The following MANSC4 variants were observed in gnomAD, a reference collection of about 807,000 sequenced individuals.
MANSC4 encodes MANSC domain containing 4.
In MANSC4, 11 loss-of-function variants were observed where a neutral mutation model predicts 11.4. The observed-to-expected ratio is 0.97, with a 90% CI of 0.61 to 1.60. The LOEUF (loss-of-function observed/expected upper bound fraction) is 1.60, where lower values mean the gene tolerates loss of function less well. Among genes scored for constraint, MANSC4 ranks in the 40% most tolerant of loss-of-function variants. The pLI is 0.00. For missense variants in MANSC4, 354 were observed against 404.6 expected (o/e 0.88, Z 1.07); for synonymous variants, 123 against 147.1 (o/e 0.84, Z 1.19).
At chr12:27,764,500 C>A (rs2062063132) in intron 3 of MANSC4, among the ~76,000 whole-genome samples, 1 of 152,132 alleles carries the variant, frequency 6.6e-6, no homozygotes, top group Non-Finnish European at 1.5e-5. Context: ...TTTTTACTTT[C>A]TTTTGCTGGT....
In MANSC4 at chr12:27,771,308, G is replaced by A. The variant is rs1355012521; in HGVS notation, c.-32C>T. ...TGTATGAAGGAAGACTCGAAGATAAGTCTGATTTCCAGACAGAAGCTGAAC... is the reference window on the plus strand; with the variant it reads ...TGTATGAAGGAAGACTCGAAGATAAATCTGATTTCCAGACAGAAGCTGAAC... On this transcript the variant is annotated 5_prime_UTR_variant, in exon 2 of 4. Transcript: ENST00000381273. 6.5e-7 allele frequency: 1 copy of A among 1,530,308 alleles called. No individual in the cohort carries two copies. The highest frequency in any genetic ancestry group is 2.0e-5 in the Admixed American group (1 of 50,408). 94.8% of individuals were successfully genotyped at this position (1,530,308 alleles called of 1,614,324 possible). A position where few individuals can be genotyped will look rare whatever the true frequency, so the allele number is the denominator to read the frequency against.
intron 3 of MANSC4, among the ~76,000 whole-genome samples, chr12:27,765,904 C>T (rs1393566090): frequency 6.6e-6 from 1 of 152,144 alleles, no homozygotes; most frequent in Admixed American, 6.6e-5. Flanking sequence ...ATAAAATACA[C>T]TGGTTATCTT....
chr12:27,762,674 G>T lies in MANSC4; in HGVS notation c.*64C>A. 1.5e-6 allele frequency: 2 copies of T among 1,364,652 alleles called. No homozygotes were observed. The highest frequency in any genetic ancestry group is 9.7e-7 in the Non-Finnish European group (1 of 1,031,944). The allele number at this position is 1,364,652 out of a possible 1,614,324, so 84.5% of individuals were successfully genotyped here. A position where few individuals can be genotyped will look rare whatever the true frequency, so the allele number is the denominator to read the frequency against. The stretch of plus-strand genomic sequence containing the variant: ...CCTATTTTTTTTTTTTAACCAAACT[G>T]CGTTTTCTTACACAAAACTAAAAAT... On this transcript the variant is annotated 3_prime_UTR_variant, in exon 4 of 4. Transcript: ENST00000381273.
In MANSC4 at chr12:27,773,604, C is replaced by T. The variant is rs915888215; in HGVS notation, c.-306-2022G>A. ...AATGTGATTTGTACTTTAAAAGTCA[C>T]GACAGCCTGATTCAGTAGCTGTTGA... On this transcript the variant is annotated intron_variant, in intron 1 of 3. Transcript: ENST00000381273. Among the ~76,000 whole-genome samples the T allele has an allele frequency of 3.9e-5, 6 of 152,316 alleles. No homozygotes were observed. In the East Asian group the frequency reaches 7.7e-4, roughly 20 times the overall value.
chr12:27,778,694 C>T (rs1027302156), intron 1 of MANSC4, among the ~76,000 whole-genome samples: 2 of 152,162 alleles, frequency 1.3e-5, no homozygotes, highest in African/African-American at 4.8e-5. Flanking sequence ...AGTGAACACA[C>T]CCTCTGCTTC....
At chr12:27,769,840 G>A (rs1330702530) in intron 2 of MANSC4, among the ~76,000 whole-genome samples, 1 of 152,162 alleles carries the variant, frequency 6.6e-6, no homozygotes, top group Non-Finnish European at 1.5e-5. Context: ...GTGCTGTGTT[G>A]CTTTTGCTGT....
At chr12:27,775,007 G>T (rs148614534) in intron 1 of MANSC4, among the ~76,000 whole-genome samples, 1 of 150,342 alleles carries the variant, frequency 6.7e-6, no homozygotes, top group African/African-American at 2.4e-5. Context: ...CTGGGCGACA[G>T]AGCGAGATTC....
chr12:27,771,471 A>G lies in MANSC4; in HGVS notation c.-195T>C, dbSNP rs1228434176. On this transcript the variant is annotated 5_prime_UTR_variant, in exon 2 of 4. Transcript: ENST00000381273. ...GATTTTTCTTTTCTTCCCGAGCTCC[A>G]GGTGAACATTTGATTTGCTGGCATT... Among the ~76,000 whole-genome samples the G allele has an allele frequency of 6.6e-6, 1 of 152,208 alleles. No individual in the cohort carries two copies. Among genetic ancestry groups the G allele is most frequent in the African/African-American group, 2.4e-5 (1 of 41,460 alleles).
At chr12:27,777,864 T>C (rs1305568537) in intron 1 of MANSC4, among the ~76,000 whole-genome samples, 1 of 152,046 alleles carries the variant, frequency 6.6e-6, no homozygotes, top group Non-Finnish European at 1.5e-5. Context: ...GCAGGATCCC[T>C]TGGGGCCAGG....
chr12:27,764,597 C>A (rs1357381191), intron 3 of MANSC4, among the ~76,000 whole-genome samples: 1 of 152,150 alleles, frequency 6.6e-6, no homozygotes, highest in African/African-American at 2.4e-5. Flanking sequence ...TGCCCCCTCC[C>A]CTCCAACACA....
chr12:27,770,974 T>TAA (rs751876140), intron 2 of MANSC4, 74 bp downstream of exon 2: 26 of 1,156,752 alleles, frequency 2.2e-5, no homozygotes, highest in Non-Finnish European at 2.6e-5. Context: ...GGCCTCTGCC[T>TAA]AAGGCTCCTC....
At chr12:27,774,806 G>A (rs924632895) in intron 1 of MANSC4, among the ~76,000 whole-genome samples, 15 of 152,088 alleles carry the variant, frequency 9.9e-5, no homozygotes, top group African/African-American at 3.4e-4. Flanking sequence ...GGCAGATCAC[G>A]AGGTCAGGAG....
rs984944458 is a variant in MANSC4, at chr12:27,766,796, G to A, written c.233C>T (p.Ser78Phe). The change falls in exon 3 of 4, where the codon TCC (serine) becomes TTC (phenylalanine). Residue 78 changes from serine (S) to phenylalanine (F), a missense_variant. By Grantham distance (155) the Ser-to-Phe change is radical. Coordinates refer to ENST00000381273, the MANE Select transcript of MANSC4 (RefSeq NM_001146221.5). Reference protein sequence around the residue: ...SRSCCLRKDVSCNLAVFYHSP... With the variant: ...SRSCCLRKDVFCNLAVFYHSP... ...GTGGTAGAAGACAGCCAGGTTACAG[G>A]AAACTGAAAGGGAAACAAGCGAAGT... is the stretch of plus-strand genomic sequence containing the variant. The A allele has an allele frequency of 3.2e-6, 5 of 1,550,590 alleles. No individual in the cohort carries two copies. In the African/African-American group the frequency reaches 6.9e-5, roughly 21 times the overall value.
Position 27,763,117 on chromosome 12 carries a change from T to C in MANSC4, c.644A>G (p.Asn215Ser). The C allele has an allele frequency of 6.4e-7, 1 of 1,551,756 alleles. No individual in the cohort carries two copies. Among genetic ancestry groups the C allele is most frequent in the South Asian group, 1.2e-5 (1 of 84,068 alleles). Residue 215 changes from asparagine to serine, a missense_variant, in exon 4 of 4, where the codon AAT becomes AGT. Transcript: ENST00000381273. ...GAAATCAGTACTTGGTGACACCTTA[T>C]TTATCTTTGTGGTAATGGACTCATT... is the stretch of plus-strand genomic sequence containing the variant. ...SLNESITTKINKVSPSTDFIS... is the reference protein window; with the variant it reads ...SLNESITTKISKVSPSTDFIS...
chr12:27,767,111 CT>C (rs1415169447), intron 2 of MANSC4, among the ~76,000 whole-genome samples: 1 of 152,050 alleles, frequency 6.6e-6, no homozygotes, highest in Non-Finnish European at 1.5e-5. Flanking sequence ...TCCCAAATAG[CT>C]GGGACTAGAG....
Position 27,780,178 on chromosome 12 carries a change from G to A in MANSC4, c.-307+32C>T. 1 of 416,362 alleles carries A rather than the reference G, an allele frequency of 2.4e-6. No homozygotes were observed. Among genetic ancestry groups the A allele is most frequent in the African/African-American group, 2.1e-5 (1 of 47,168 alleles). 25.8% of individuals were successfully genotyped at this position (416,362 alleles called of 1,614,324 possible). A position where few individuals can be genotyped will look rare whatever the true frequency, so the allele number is the denominator to read the frequency against. On this transcript the variant is annotated intron_variant, in intron 1 of 3. Transcript: ENST00000381273. The surrounding 1 kb of genome is among the most constrained non-coding windows in gnomAD (Gnocchi z 8.8). The stretch of plus-strand genomic sequence containing the variant: ...GCGGGCCCCGGGAGGAGGGGCCGCC[G>A]GAGAGGCCGGGCGAGCGCGGGCGGC...
At position 27,763,231 on chromosome 12, in the gene MANSC4, G is replaced by A. The variant is rs371286460; in HGVS notation, c.530C>T (p.Thr177Ile). 2.6e-5 allele frequency: 40 copies of A among 1,551,710 alleles called. No homozygotes were observed. In the East Asian group the frequency reaches 7.8e-4, roughly 30 times the overall value. Residue 177 changes from threonine to isoleucine, a missense_variant, in exon 4 of 4, where the codon ACC becomes ATC. By Grantham distance (89) the Thr-to-Ile change is moderately conservative. Coordinates refer to ENST00000381273, the MANE Select transcript of MANSC4 (RefSeq NM_001146221.5). ...MLPSTEAPSSTTHQDLVVNTN... is the reference protein window; with the variant it reads ...MLPSTEAPSSITHQDLVVNTN... Reference sequence around the variant, plus strand: ...GTTTACAACCAAATCTTGATGCGTGGTTGAGGATGGAGCCTCTGTGGATGG... The same window carrying A: ...GTTTACAACCAAATCTTGATGCGTGATTGAGGATGGAGCCTCTGTGGATGG...
At chr12:27,763,981 C>T (rs933139377) in intron 3 of MANSC4, among the ~76,000 whole-genome samples, 1 of 152,160 alleles carries the variant, frequency 6.6e-6, no homozygotes, top group Non-Finnish European at 1.5e-5. Flanking sequence ...GATCCGCCCG[C>T]CTCGGCCTAC....
At chr12:27,777,293 C>T (rs2062122592) in intron 1 of MANSC4, among the ~76,000 whole-genome samples, 2 of 152,144 alleles carry the variant, frequency 1.3e-5, no homozygotes, top group African/African-American at 4.8e-5. Flanking sequence ...CAAAAGCATC[C>T]ATTGGTGAAA....
Sources: gnomAD v4.1 joint callset for allele counts (sites outside exome capture counted in the v4.1 genomes callset) on GRCh38, gnomAD v4.1.1 for gene constraint, Gnocchi (gnomAD v3.1) non-coding constraint, MANE v1.5 for transcripts, NCBI Gene and HGNC (gene_info 2026-07-23, HGNC 2026-07-21) for gene names.